The following ENPP1 variants were observed in gnomAD, a reference collection of about 807,000 sequenced individuals.
ENPP1 encodes ectonucleotide pyrophosphatase/phosphodiesterase 1, also known as ectonucleotide pyrophosphatase/phosphodiesterase family member 1.
In ENPP1, 73 loss-of-function variants were observed where a neutral mutation model predicts 122.8. That is an observed-to-expected ratio of 0.59 (90% CI 0.49 to 0.72). The LOEUF (loss-of-function observed/expected upper bound fraction) is 0.72, where lower values mean the gene tolerates loss of function less well. Ranked by LOEUF, ENPP1 falls within the 30% of genes least tolerant of loss-of-function variation. The probability of loss-of-function intolerance (pLI) is 0.00; values close to 1 mark genes in which losing one functional copy is unlikely to be tolerated. For missense variants in ENPP1, 978 were observed against 1,128.1 expected (o/e 0.87, Z 1.91); for synonymous variants, 367 against 391.6 (o/e 0.94, Z 0.74).
intron 1 of ENPP1, among the ~76,000 whole-genome samples, chr6:131,824,515 C>T (rs567734104): frequency 6.1e-4 from 93 of 152,114 alleles, no homozygotes; most frequent in Non-Finnish European, 9.9e-4. Context: ...AGTGCAGTGG[C>T]GCCATCTCGG....
Position 131,851,265 on chromosome 6 carries a change from A to C in ENPP1, c.554A>C (p.Gln185Pro). 1 of 1,614,106 alleles carries C rather than the reference A, an allele frequency of 6.2e-7. No individual in the cohort carries two copies. The highest frequency in any genetic ancestry group is 2.2e-5 in the East Asian group (1 of 44,878). Residue 185 changes from glutamine to proline, a missense_variant and splice_region_variant, in exon 4 of 25, where the codon CAA (glutamine) becomes CCA (proline). Physicochemically the swap from Gln to Pro is moderately conservative, Grantham distance 76. This residue lies in a region of ENPP1 where 330 missense variants were observed against 328.5 expected (regional missense o/e 1.00). Coordinates refer to ENST00000647893, the MANE Select transcript of ENPP1 (RefSeq NM_006208.3). ...TGCATCAACTACAGTTCTGTGTGTCAAGGTCAGGTGCTCGTTGGGCTCTGC... is the reference window on the plus strand; with the variant it reads ...TGCATCAACTACAGTTCTGTGTGTCCAGGTCAGGTGCTCGTTGGGCTCTGC... The part of the protein sequence containing the change: ...DCCINYSSVC[Q>P]GEKSWVEEPC...
intron 1 of ENPP1, among the ~76,000 whole-genome samples, chr6:131,842,762 G>C (rs1781758407): frequency 6.6e-6 from 1 of 152,012 alleles, no homozygotes; most frequent in Non-Finnish European, 1.5e-5. Context: ...TGTTTTATTT[G>C]TATCTCTGGT....
chr6:131,866,007 A>AGAGAG (rs71545016), intron 11 of ENPP1, among the ~76,000 whole-genome samples: 1,744 of 150,462 alleles, frequency 0.012, 32 homozygotes, highest in Middle Eastern at 0.076. Context: ...AAAAAAAAAA[A>AGAGAG]AGAGAAAAAG....
At chr6:131,857,514 A>G (rs1318932467) in intron 6 of ENPP1, among the ~76,000 whole-genome samples, 2 of 150,206 alleles carry the variant, frequency 1.3e-5, no homozygotes, top group African/African-American at 5.0e-5. Context: ...CATGGATGAA[A>G]TTGGAAATCA....
Position 131,892,750 on chromosome 6 carries a change from A to G in ENPP1, c.*2239A>G, listed in dbSNP as rs1782487843. On this transcript the variant is annotated 3_prime_UTR_variant, in exon 25 of 25. Transcript: ENST00000647893. ...GGGCACCTCTTTACAGCTTGGTGAGAGTGTAAGTCTGGACTCCCCACTCAG... is the reference window on the plus strand; with the variant it reads ...GGGCACCTCTTTACAGCTTGGTGAGGGTGTAAGTCTGGACTCCCCACTCAG... The G allele has an allele frequency of 6.6e-6, 1 of 152,040 alleles. No individual in the cohort carries two copies. Among genetic ancestry groups the G allele is most frequent in the African/African-American group, 2.4e-5 (1 of 41,386 alleles). The allele number at this position is 152,040 out of a possible 1,614,324, so 9.4% of individuals were successfully genotyped here.
At chr6:131,849,878 T>G (rs1781859193) in intron 2 of ENPP1, 112 bp from the exon 3 acceptor site, 1 of 815,882 alleles carries the variant, frequency 1.2e-6, no homozygotes, top group African/African-American at 1.7e-5. Flanking sequence ...CATCTGTATT[T>G]TCTAAAGTAG....
At chr6:131,827,157 C>G in intron 1 of ENPP1, 1 of 738,878 alleles carries the variant, frequency 1.4e-6, no homozygotes, top group Non-Finnish European at 2.5e-6. Flanking sequence ...GCAGTTCTAT[C>G]TTGTCTTGGA....
chr6:131,825,317 T>A (rs1056792627), intron 1 of ENPP1, among the ~76,000 whole-genome samples: 1 of 152,190 alleles, frequency 6.6e-6, no homozygotes, highest in African/African-American at 2.4e-5. Context: ...TTGTTGTTAA[T>A]TGACCACTTC....
intron 1 of ENPP1, among the ~76,000 whole-genome samples, chr6:131,835,971 A>G (rs1164637803): frequency 1.3e-5 from 2 of 152,212 alleles, no homozygotes; most frequent in East Asian, 3.8e-4. Flanking sequence ...TAAGTGACAT[A>G]TGGGCACCAC....
chr6:131,822,968 A>G (rs1451120430), intron 1 of ENPP1, among the ~76,000 whole-genome samples: 2 of 152,226 alleles, frequency 1.3e-5, no homozygotes, highest in Non-Finnish European at 2.9e-5. Context: ...GCACACAATG[A>G]GAAAATATAT....
At chr6:131,811,911 C>T (rs138567666) in intron 1 of ENPP1, among the ~76,000 whole-genome samples, 104 of 152,270 alleles carry the variant, frequency 6.8e-4, no homozygotes, top group Middle Eastern at 3.4e-3. Flanking sequence ...GCTGGGAAGG[C>T]TCATTTCCGG....
chr6:131,872,895 A>G (rs1782180529), intron 14 of ENPP1, 28 bp from the exon 15 acceptor site: 1 of 1,611,826 alleles, frequency 6.2e-7, no homozygotes, highest in Non-Finnish European at 8.5e-7. Context: ...GGGAAATAAT[A>G]GTTTTTCTTT....
intron 11 of ENPP1, among the ~76,000 whole-genome samples, chr6:131,866,859 C>T (rs893921428): frequency 2.0e-5 from 3 of 152,212 alleles, no homozygotes; most frequent in African/African-American, 7.2e-5. Context: ...TGGCTACATG[C>T]TAGTGTGATT....
At chr6:131,869,791 G>A (rs1271767776) in intron 13 of ENPP1, among the ~76,000 whole-genome samples, 2 of 149,794 alleles carry the variant, frequency 1.3e-5, no homozygotes, top group African/African-American at 5.0e-5. Flanking sequence ...AGGAGGCGGA[G>A]GTTACAGTGA....
intron 1 of ENPP1, among the ~76,000 whole-genome samples, chr6:131,811,781 G>T (rs2114648037): frequency 2.0e-5 from 3 of 152,278 alleles, no homozygotes; most frequent in Middle Eastern, 6.8e-3. Context: ...ATTTTGCATA[G>T]TTCGCATATC....
intron 1 of ENPP1, among the ~76,000 whole-genome samples, chr6:131,840,764 G>T (rs1253230295): frequency 3.3e-5 from 5 of 152,224 alleles, no homozygotes; most frequent in African/African-American, 1.2e-4. Flanking sequence ...CACTAGGTCA[G>T]TGCTTGAGAT....
chr6:131,839,026 C>T (rs942169540), intron 1 of ENPP1, among the ~76,000 whole-genome samples: 3 of 152,100 alleles, frequency 2.0e-5, no homozygotes, highest in Non-Finnish European at 2.9e-5. Context: ...CCACTGAGTT[C>T]TTCTAAACCT....
chr6:131,880,808 A>G (rs1358603082), intron 20 of ENPP1, among the ~76,000 whole-genome samples: 1 of 152,084 alleles, frequency 6.6e-6, no homozygotes, highest in Non-Finnish European at 1.5e-5. Context: ...CGTACCATCT[A>G]TAGGAAGACA....
At chr6:131,821,197 G>T (rs2114659530) in intron 1 of ENPP1, among the ~76,000 whole-genome samples, 1 of 152,256 alleles carries the variant, frequency 6.6e-6, no homozygotes, top group Non-Finnish European at 1.5e-5. Flanking sequence ...CATTTTCATA[G>T]ATCCTCAGAG....
Sources: gnomAD v4.1 joint callset for allele counts (sites outside exome capture counted in the v4.1 genomes callset) on GRCh38, gnomAD v4.1.1 for gene constraint, gnomAD v4.1.1 regional missense constraint, MANE v1.5 for transcripts, NCBI Gene and HGNC (gene_info 2026-07-23, HGNC 2026-07-21) for gene names.